Variants in DSTYK observed in about 807,000 individuals in gnomAD.
DSTYK encodes the protein dual serine/threonine and tyrosine protein kinase.
DSTYK carries 34 observed loss-of-function variants against 98.7 expected under a neutral mutation model. That is an observed-to-expected ratio of 0.34 (90% CI 0.26 to 0.46). The LOEUF (loss-of-function observed/expected upper bound fraction) is 0.46, where lower values mean the gene tolerates loss of function less well. Among genes scored for constraint, DSTYK ranks in the 20% least tolerant of loss-of-function variants. DSTYK has a pLI of 1.00. For missense variants in DSTYK, 962 were observed against 1,181.7 expected, an observed-to-expected ratio of 0.81 and a Z score of 2.73; for synonymous variants, 462 against 457.3, an observed-to-expected ratio of 1.01 and a Z score of -0.13.
chr1:205,190,411 G>T (rs1416691570), intron 1 of DSTYK, among the ~76,000 whole-genome samples: 1 of 152,028 alleles, frequency 6.6e-6, no homozygotes, highest in African/African-American at 2.4e-5. Context: ...GATCACCTGA[G>T]GTCAGGAGTC....
At chr1:205,210,682 A>T (rs1239600155) in intron 1 of DSTYK, among the ~76,000 whole-genome samples, 1 of 152,196 alleles carries the variant, frequency 6.6e-6, no homozygotes, top group Non-Finnish European at 1.5e-5. Flanking sequence ...ATCTCTGGCA[A>T]TTCCGTGGCA....
intron 1 of DSTYK, among the ~76,000 whole-genome samples, chr1:205,190,360 C>CA (rs1658672493): frequency 6.6e-6 from 1 of 152,146 alleles, no homozygotes; most frequent in Admixed American, 6.5e-5. Flanking sequence ...TGCAGTGGCT[C>CA]ACACCTGTAA....
In DSTYK at chr1:205,211,476, G is replaced by C. The variant is rs373353993; in HGVS notation, c.60C>G (p.Gly20=). Residue 20 remains glycine (G), a synonymous_variant, in exon 1 of 13, where the codon GGC becomes GGG. Transcript: ENST00000367162. The part of the protein sequence containing the change: ...SEPVSGPGPG[G]GGMIRELCRG... ...GGCACAGCTCGCGGATCATTCCGCC[G>C]CCGCCGGGGCCGGGACCCGAGACGG... 5.9e-4 allele frequency: 931 copies of C among 1,584,402 alleles called. 4 individuals are homozygous for C. Among genetic ancestry groups the C allele is most frequent in the Middle Eastern group, 3.9e-3 (23 of 5,922 alleles).
chr1:205,207,938 G>A (rs531398924), intron 1 of DSTYK, among the ~76,000 whole-genome samples: 1 of 151,952 alleles, frequency 6.6e-6, no homozygotes, highest in Non-Finnish European at 1.5e-5. Context: ...GTGCAATGGC[G>A]TGATTTCGGC....
rs1657842642 is a variant in DSTYK, at chr1:205,164,905, G to A, written c.1325-950C>T. ...ATAACTTTGTTACATGGGTATTATA[G>A]ATCAGGAAACAGCCTCAAAGAGAGA... On this transcript the variant is annotated intron_variant, in intron 3 of 12. Transcript: ENST00000367162. 2.0e-5 allele frequency among the ~76,000 whole-genome samples: 3 copies of A among 152,164 alleles called. No individual in the cohort carries two copies. In the South Asian group the frequency reaches 6.2e-4, roughly 31 times the overall value.
intron 1 of DSTYK, among the ~76,000 whole-genome samples, chr1:205,195,368 T>C (rs1462335757): frequency 6.6e-6 from 1 of 152,216 alleles, no homozygotes; most frequent in African/African-American, 2.4e-5. Flanking sequence ...CTACAGTCAA[T>C]TCTACCACAA....
At position 205,157,345 on chromosome 1, in the gene DSTYK, A is replaced by T; in HGVS notation, c.2280T>A (p.Asp760Glu). 23 of 1,614,132 alleles carry T rather than the reference A, an allele frequency of 1.4e-5. No homozygotes were observed. The highest frequency in any genetic ancestry group is 1.9e-5 in the Non-Finnish European group (22 of 1,180,002). ...TLETRLQIAL[D>E]VVEGIRFLHS... ...GCAGGAAGCGGATTCCCTCCACCACATCTAGTGCTATCTGCAAACGTGTCT... is the reference window on the plus strand; with the variant it reads ...GCAGGAAGCGGATTCCCTCCACCACTTCTAGTGCTATCTGCAAACGTGTCT... The change falls in exon 10 of 13, where the codon GAT becomes GAA. Residue 760 changes from aspartate (D) to glutamate (E), a missense_variant. By Grantham distance (45) the Asp-to-Glu change is conservative. Transcript: ENST00000367162.
Position 205,211,526 on chromosome 1 carries a change from C to T in DSTYK, c.10G>A (p.Asp4Asn), listed in dbSNP as rs1041953439. The T allele has an allele frequency of 6.5e-7, 1 of 1,538,518 alleles. No homozygotes were observed. Residue 4 changes from aspartate (D) to asparagine (N), a missense_variant, in exon 1 of 13, where the codon GAC (aspartate) becomes AAC (asparagine). Around this residue, in one of 4 missense-constraint regions of DSTYK, gnomAD observed 168 missense variants for 120.0 expected, o/e 1.40. Coordinates refer to ENST00000367162, the MANE Select transcript of DSTYK (RefSeq NM_015375.3). ...GGCTCGCTGCCCCATGGCACCCCGTCGCCCTCCATCGCCTCTGCCCGCTCT... is the reference window on the plus strand; with the variant it reads ...GGCTCGCTGCCCCATGGCACCCCGTTGCCCTCCATCGCCTCTGCCCGCTCT... MEG[D>N]GVPWGSEPVS... is the part of the protein sequence containing the mutation.
At chr1:205,159,466 C>G (rs1657652459) in intron 9 of DSTYK, 81 bp downstream of exon 9, 2 of 1,435,044 alleles carry the variant, frequency 1.4e-6, no homozygotes, top group South Asian at 1.4e-5. Context: ...AAGCTAAAAG[C>G]TCTTAATAAA....
chr1:205,211,303 G>T lies in DSTYK; in HGVS notation c.233C>A (p.Ala78Glu). 6.2e-7 allele frequency: 1 copy of T among 1,608,546 alleles called. No individual in the cohort carries two copies. ...CAGCCCGGTTTCGGCGACATCGCCTGCAGGGCCGCGCTCGGCCCCGCCGCC... is the reference window on the plus strand; with the variant it reads ...CAGCCCGGTTTCGGCGACATCGCCTTCAGGGCCGCGCTCGGCCCCGCCGCC... ...TGGGGAERGP[A>E]GDVAETGLQA... The change falls in exon 1 of 13, where the codon GCA becomes GAA. Residue 78 changes from alanine (A) to glutamate (E), a missense_variant. Transcript: ENST00000367162.
rs878855827 is a variant in DSTYK, at chr1:205,169,495, C to T, written c.992G>A (p.Ser331Asn). 1 of 1,614,136 alleles carries T rather than the reference C, an allele frequency of 6.2e-7. No individual in the cohort carries two copies. Among genetic ancestry groups the T allele is most frequent in the South Asian group, 1.1e-5 (1 of 91,078 alleles). Residue 331 changes from serine (S) to asparagine (N), a missense_variant, in exon 3 of 13, where the codon AGC (serine) becomes AAC (asparagine). Physicochemically the swap from Ser to Asn is conservative, Grantham distance 46 (BLOSUM62 1). This residue lies in a region of DSTYK where 660 missense variants were observed against 855.0 expected (regional missense o/e 0.77). Coordinates refer to ENST00000367162, the MANE Select transcript of DSTYK (RefSeq NM_015375.3). This position sits in a 1 kb window ranked among gnomAD's most constrained non-coding sequence, Gnocchi z 4.0. ...GAPGQDTKAQ[S>N]MLVEQSEKLR... The stretch of plus-strand genomic sequence containing the variant: ...CTTTTCACTCTGTTCCACCAACATG[C>T]TCTGAGCTTTAGTATCCTGGCCAGG...
At chr1:205,160,001 C>T (rs1657669489) in intron 8 of DSTYK, 113 bp downstream of exon 8, 3 of 1,306,456 alleles carry the variant, frequency 2.3e-6, no homozygotes, top group Non-Finnish European at 3.3e-6. Context: ...CTGTTAGACA[C>T]AGAAAACTAA....
intron 1 of DSTYK, among the ~76,000 whole-genome samples, chr1:205,196,758 AT>A (rs113524415): frequency 0.025 from 2,759 of 109,812 alleles, 27 homozygotes; most frequent in East Asian, 0.08. Context: ...AAAATGGTGA[AT>A]TTTTTTTTTT....
intron 1 of DSTYK, among the ~76,000 whole-genome samples, chr1:205,191,772 A>G (rs1351679231): frequency 4.6e-5 from 7 of 152,220 alleles, no homozygotes; most frequent in Non-Finnish European, 7.3e-5. Context: ...CTGTAGACTG[A>G]CAGTAGGAGG....
At chr1:205,157,007 T>C (rs746221562) in intron 10 of DSTYK, among the ~76,000 whole-genome samples, 18 of 152,192 alleles carry the variant, frequency 1.2e-4, no homozygotes, top group Non-Finnish European at 2.2e-4. Flanking sequence ...GCTGCTGCCA[T>C]GTGAAGAAGA....
At chr1:205,186,799 T>C (rs181282368) in intron 2 of DSTYK, among the ~76,000 whole-genome samples, 1 of 152,206 alleles carries the variant, frequency 6.6e-6, no homozygotes, top group African/African-American at 2.4e-5. Context: ...TGTGCTCTCT[T>C]TGGGAGTTTA....
intron 1 of DSTYK, among the ~76,000 whole-genome samples, chr1:205,201,751 T>C (rs1005376652): frequency 2.0e-5 from 3 of 152,070 alleles, no homozygotes; most frequent in Non-Finnish European, 4.4e-5. Flanking sequence ...AAGACAAACA[T>C]ACTCACAGCT....
intron 1 of DSTYK, among the ~76,000 whole-genome samples, chr1:205,195,883 C>T (rs1024861825): frequency 2.6e-5 from 4 of 152,148 alleles, no homozygotes; most frequent in Non-Finnish European, 4.4e-5. Context: ...GTCACACTAC[C>T]GAGGGAACAG....
At chr1:205,183,080 G>GCACACACACA (rs35209324) in intron 2 of DSTYK, among the ~76,000 whole-genome samples, 295 of 88,782 alleles carry the variant, frequency 3.3e-3, no homozygotes, top group African/African-American at 9.4e-3. Context: ...AAAAAAAAAA[G>GCACACACACA]CACACACACA....
Sources: allele counts gnomAD v4.1 joint callset (sites outside exome capture counted in the v4.1 genomes callset), GRCh38; gene constraint gnomAD v4.1.1; regional missense constraint gnomAD v4.1.1; non-coding constraint Gnocchi (gnomAD v3.1); transcripts MANE v1.5; gene names NCBI Gene and HGNC (gene_info 2026-07-23, HGNC 2026-07-21).